Variants in XRN2 observed in about 807,000 individuals in gnomAD.
The protein encoded by XRN2 is 5'-3' exoribonuclease 2, also known as DHM1-like protein.
XRN2 carries 44 observed loss-of-function variants against 138.5 expected under a neutral mutation model. The observed-to-expected ratio is 0.32, with a 90% CI of 0.25 to 0.41. The LOEUF is 0.41. XRN2 is among the 10% of genes least tolerant of loss of function. XRN2 has a pLI of 1.00. For synonymous variants in XRN2, 354 were observed against 369.4 expected (o/e 0.96, Z 0.48); for missense variants, 937 against 1,169.3 (o/e 0.80, Z 2.90).
chr20:21,354,270 G>A (rs938253758), intron 20 of XRN2, among the ~76,000 whole-genome samples: 8 of 152,010 alleles, frequency 5.3e-5, no homozygotes, highest in African/African-American at 9.7e-5. Flanking sequence ...TTAATTAGTA[G>A]GCTTTAAAAT....
intron 1 of XRN2, among the ~76,000 whole-genome samples, chr20:21,325,182 G>A (rs1321862460): frequency 6.6e-6 from 1 of 152,096 alleles, no homozygotes; most frequent in Non-Finnish European, 1.5e-5. Context: ...TACAGTTTTT[G>A]CTGTTACAAG....
At position 21,389,401 on chromosome 20, in the gene XRN2, AT is replaced by A; in HGVS notation, c.*66del. The A allele has an allele frequency of 8.7e-6, 13 of 1,499,796 alleles. No homozygotes were observed. The highest frequency in any genetic ancestry group is 1.1e-5 in the Non-Finnish European group (12 of 1,102,142). The allele number at this position is 1,499,796 out of a possible 1,614,324, so 92.9% of individuals were successfully genotyped here. A position where few individuals can be genotyped will look rare whatever the true frequency, so the allele number is the denominator to read the frequency against. The stretch of plus-strand genomic sequence containing the variant: ...ACAGTTTTATGCTATTTGTGGAAAG[AT>A]TTCTTTCTCAAGTAGTAGTTTTTAA... On this transcript the variant is annotated 3_prime_UTR_variant, in exon 30 of 30. Coordinates refer to ENST00000377191, the MANE Select transcript of XRN2 (RefSeq NM_012255.5).
chr20:21,362,110 T>G (rs1027503697), intron 24 of XRN2, among the ~76,000 whole-genome samples: 2 of 137,344 alleles, frequency 1.5e-5, no homozygotes, highest in African/African-American at 5.4e-5. Context: ...TTTTGTTGAA[T>G]GTGGTTCTGA....
chr20:21,326,705 GA>G, intron 3 of XRN2, 104 bp downstream of exon 3: 2 of 876,184 alleles, frequency 2.3e-6, no homozygotes, highest in East Asian at 5.3e-5. Flanking sequence ...TGACAGTGAT[GA>G]ACTTGAGAAA....
intron 6 of XRN2, 94 bp downstream of exon 6, chr20:21,330,799 C>A: frequency 8.5e-7 from 1 of 1,181,448 alleles, no homozygotes; most frequent in Non-Finnish European, 1.2e-6. Context: ...TCTGCCCTGC[C>A]CCATAAAATG....
Position 21,365,570 on chromosome 20 carries a change from C to A in XRN2, c.2325-3C>A. The A allele has an allele frequency of 6.2e-7, 1 of 1,613,102 alleles. No individual in the cohort carries two copies. The highest frequency in any genetic ancestry group is 1.1e-5 in the South Asian group (1 of 90,996). ...ACTAAGTGTTGTCTTTTTAAATGGT[C>A]AGAAAGCCAGCAGCAGTACTGAAAC... On this transcript the variant is annotated splice_polypyrimidine_tract_variant and splice_region_variant and intron_variant, in intron 25 of 29. Transcript: ENST00000377191.
At chr20:21,323,251 C>T (rs142161710) in intron 1 of XRN2, among the ~76,000 whole-genome samples, 1 of 152,330 alleles carries the variant, frequency 6.6e-6, no homozygotes, top group African/African-American at 2.4e-5. Flanking sequence ...CATCATTTCT[C>T]AGCCACAAAT....
intron 18 of XRN2, 36 bp downstream of exon 18, chr20:21,348,289 A>G (rs2038463819): frequency 6.2e-7 from 1 of 1,611,720 alleles, no homozygotes; most frequent in East Asian, 2.2e-5. Context: ...AAGTTTATAG[A>G]ATTCTGGATT....
At chr20:21,303,676 C>T in intron 1 of XRN2, 1 of 1,325,548 alleles carries the variant, frequency 7.5e-7, no homozygotes, top group Non-Finnish European at 9.6e-7. Flanking sequence ...AATTCAGGAC[C>T]CTCGGCGGGG....
At chr20:21,334,024 A>G (rs1240440973) in intron 12 of XRN2, 30 bp downstream of exon 12, 2 of 1,613,934 alleles carry the variant, frequency 1.2e-6, no homozygotes, top group African/African-American at 1.3e-5. Flanking sequence ...ATTTCAAAAC[A>G]GAAGTATTTG....
intron 29 of XRN2, 34 bp from the exon 30 acceptor site, chr20:21,389,239 C>A: frequency 6.3e-7 from 1 of 1,590,690 alleles, no homozygotes; most frequent in Non-Finnish European, 8.6e-7. Context: ...AGTATCGGTC[C>A]AGAAAATAAA....
rs577615082 is a variant in XRN2, at chr20:21,330,398, T to A, written c.428-83T>A. The A allele has an allele frequency of 1.7e-5, 24 of 1,444,202 alleles. No homozygotes were observed. The Admixed American group carries it at 5.0e-4, about 30-fold the overall frequency. The allele number at this position is 1,444,202 out of a possible 1,614,324, so 89.5% of individuals were successfully genotyped here. A position where few individuals can be genotyped will look rare whatever the true frequency, so the allele number is the denominator to read the frequency against. On this transcript the variant is annotated intron_variant, in intron 4 of 29. Transcript: ENST00000377191. ...TTCACTTTCTTTTGTAGTGGAACTTTTTGTTTTTGTTGTTCTGGCTTAATG... is the reference window on the plus strand; with the variant it reads ...TTCACTTTCTTTTGTAGTGGAACTTATTGTTTTTGTTGTTCTGGCTTAATG...
intron 14 of XRN2, 21 bp from the exon 15 acceptor site, chr20:21,340,700 C>T (rs1417491052): frequency 6.2e-7 from 1 of 1,605,242 alleles, no homozygotes; most frequent in South Asian, 1.1e-5. Flanking sequence ...TTAATTTCTA[C>T]ATTCATTCCA....
In XRN2 at chr20:21,346,715, G is replaced by A. The variant is rs1423796661; in HGVS notation, c.1665+165G>A. Among the ~76,000 whole-genome samples, 3 of 152,092 alleles carry A rather than the reference G, an allele frequency of 2.0e-5. No homozygotes were observed. The East Asian group carries it at 5.8e-4, about 29-fold the overall frequency. On this transcript the variant is annotated intron_variant, in intron 17 of 29. Transcript: ENST00000377191. ...ACTCACTGCGACCTCTGCCTCCCAGGTTCAAGCGATTCTCCTGCCTCAGCC... is the reference window on the plus strand; with the variant it reads ...ACTCACTGCGACCTCTGCCTCCCAGATTCAAGCGATTCTCCTGCCTCAGCC...
chr20:21,321,937 C>A (rs1413617965), intron 1 of XRN2, among the ~76,000 whole-genome samples: 1 of 152,134 alleles, frequency 6.6e-6, no homozygotes, highest in Non-Finnish European at 1.5e-5. Flanking sequence ...CTGATATAGA[C>A]CTTGGTACAC....
At chr20:21,333,137 C>T (rs2122216991) in intron 9 of XRN2, among the ~76,000 whole-genome samples, 1 of 152,304 alleles carries the variant, frequency 6.6e-6, no homozygotes, top group East Asian at 1.9e-4. Flanking sequence ...TATCTATGCA[C>T]ATCTGTTCAC....
intron 27 of XRN2, among the ~76,000 whole-genome samples, chr20:21,379,619 G>A (rs1026096590): frequency 1.6e-4 from 24 of 152,174 alleles, no homozygotes; most frequent in Non-Finnish European, 2.8e-4. Context: ...ATGGAAAATA[G>A]AGAGGCACCT....
intron 26 of XRN2, among the ~76,000 whole-genome samples, chr20:21,366,425 C>T (rs1030388880): frequency 2.7e-4 from 41 of 150,814 alleles, no homozygotes; most frequent in African/African-American, 9.7e-4. Context: ...TGGCAGGCGC[C>T]TGGCGCCTGT....
In XRN2 at chr20:21,340,863, T is replaced by C; in HGVS notation, c.1410+11T>C. ...ATGCAGAATAACTCTGTAAGTGGCT[T>C]ACTTTTATGTGACATTTAAGAGTGG... On this transcript the variant is annotated intron_variant, in intron 15 of 29. Transcript: ENST00000377191. 6.2e-7 allele frequency: 1 copy of C among 1,613,652 alleles called. No individual in the cohort carries two copies. Among genetic ancestry groups the C allele is most frequent in the South Asian group, 1.1e-5 (1 of 91,050 alleles).
Sources: allele counts gnomAD v4.1 joint callset (sites outside exome capture counted in the v4.1 genomes callset), GRCh38; gene constraint gnomAD v4.1.1; transcripts MANE v1.5; gene names NCBI Gene and HGNC (gene_info 2026-07-23, HGNC 2026-07-21).